CDC42BPA: variants seen among roughly 807,000 people sequenced by gnomAD.
The protein encoded by CDC42BPA is CDC42 binding protein kinase alpha.
Under a neutral mutation model 223.5 loss-of-function variants are expected in CDC42BPA, and 80 were observed. That is an observed-to-expected ratio of 0.36 (90% CI 0.30 to 0.43). The LOEUF (loss-of-function observed/expected upper bound fraction) is 0.43, where lower values mean the gene tolerates loss of function less well. Among genes scored for constraint, CDC42BPA ranks in the 20% least tolerant of loss-of-function variants. CDC42BPA has a pLI of 1.00. For missense variants in CDC42BPA, 1,743 were observed against 2,099.9 expected, an observed-to-expected ratio of 0.83 and a Z score of 3.32; for synonymous variants, 694 against 718.6, an observed-to-expected ratio of 0.97 and a Z score of 0.55.
At chr1:227,143,169 T>C (rs2149645709) in intron 8 of CDC42BPA, 145 bp from the exon 9 acceptor site, 1 of 437,880 alleles carries the variant, frequency 2.3e-6, no homozygotes, top group Middle Eastern at 3.6e-4. Context: ...GGTATAGTTG[T>C]TTAGTGATAT....
intron 5 of CDC42BPA, among the ~76,000 whole-genome samples, chr1:227,162,281 T>TA (rs1454205567): frequency 1.3e-5 from 2 of 151,960 alleles, no homozygotes; most frequent in Non-Finnish European, 2.9e-5. Flanking sequence ...TAGAAAATAC[T>TA]AAAAATTAAC....
chr1:227,097,559 G>A (rs1317938214), intron 15 of CDC42BPA, among the ~76,000 whole-genome samples: 1 of 152,058 alleles, frequency 6.6e-6, no homozygotes, highest in Non-Finnish European at 1.5e-5. Context: ...ATAATAATTG[G>A]TCACACCTGG....
At chr1:227,126,775 C>G (rs1242728830) in intron 11 of CDC42BPA, among the ~76,000 whole-genome samples, 1 of 152,080 alleles carries the variant, frequency 6.6e-6, no homozygotes, top group Non-Finnish European at 1.5e-5. Flanking sequence ...GAAAAAGAAT[C>G]TGACAAAATT....
rs116461323 is a variant in CDC42BPA at position 227,069,716 on chromosome 1, T to G, written c.2904+61A>C. 4.3e-4 allele frequency: 539 copies of G among 1,247,832 alleles called. 3 individuals are homozygous for G. The African/African-American group carries it at 7.3e-3, about 17-fold the overall frequency. 77.3% of individuals were successfully genotyped at this position (1,247,832 alleles called of 1,614,324 possible). A position where few individuals can be genotyped will look rare whatever the true frequency, so the allele number is the denominator to read the frequency against. ...AAAATGGTTTTATTATAAGTGAACTTTAAATTACAAAGTGAATTTTAAATT... is the reference window on the plus strand; with the variant it reads ...AAAATGGTTTTATTATAAGTGAACTGTAAATTACAAAGTGAATTTTAAATT... On this transcript the variant is annotated intron_variant, in intron 21 of 36. Transcript: ENST00000366766.
rs191264105 is a variant in CDC42BPA at position 227,216,806 on chromosome 1, A to C, written c.271-3587T>G. On this transcript the variant is annotated intron_variant, in intron 2 of 36. Coordinates refer to ENST00000366766, the MANE Select transcript of CDC42BPA (RefSeq NM_001394014.1). The stretch of plus-strand genomic sequence containing the variant: ...GTATGAACTGCAAGACTATAGTTTA[A>C]CACAGAACAAAGATATATTTTTAAA... 1.4e-4 allele frequency among the ~76,000 whole-genome samples: 21 copies of C among 152,344 alleles called. No individual in the cohort carries two copies. In the East Asian group the frequency reaches 3.9e-3, roughly 28 times the overall value.
intron 5 of CDC42BPA, among the ~76,000 whole-genome samples, chr1:227,189,454 T>A (rs1669360081): frequency 6.6e-6 from 1 of 152,152 alleles, no homozygotes; most frequent in Non-Finnish European, 1.5e-5. Flanking sequence ...CTAATTGCAA[T>A]GGCATATTGT....
chr1:227,059,605 G>A (rs1213580594), intron 21 of CDC42BPA, among the ~76,000 whole-genome samples: 4 of 152,152 alleles, frequency 2.6e-5, no homozygotes, highest in Non-Finnish European at 4.4e-5. Context: ...TTTGGACTAC[G>A]TCTAAGGTTG....
intron 10 of CDC42BPA, among the ~76,000 whole-genome samples, chr1:227,135,324 G>A (rs1371339258): frequency 6.6e-6 from 1 of 152,156 alleles, no homozygotes; most frequent in Non-Finnish European, 1.5e-5. Context: ...AGAAATCTCC[G>A]ATAGTACAGA....
intron 14 of CDC42BPA, among the ~76,000 whole-genome samples, chr1:227,109,376 T>A (rs1686504281): frequency 6.6e-6 from 1 of 152,014 alleles, no homozygotes; most frequent in African/African-American, 2.4e-5. Context: ...AAATGTATCT[T>A]TTTTTTTGAG....
intron 32 of CDC42BPA, 22 bp from the exon 33 acceptor site, chr1:227,017,072 C>T (rs573904280): frequency 3.7e-5 from 59 of 1,600,880 alleles, no homozygotes; most frequent in East Asian, 2.5e-4. Context: ...AAAATACAAA[C>T]GATAATGATG....
intron 1 of CDC42BPA, among the ~76,000 whole-genome samples, chr1:227,302,167 C>T (rs60975666): frequency 0.011 from 1,659 of 152,308 alleles, 24 homozygotes; most frequent in African/African-American, 0.037. Flanking sequence ...GTATCTCCTG[C>T]TTCCTATATC....
At chr1:227,275,995 CGAGAT>C (rs1236249618) in intron 1 of CDC42BPA, among the ~76,000 whole-genome samples, 2 of 151,368 alleles carry the variant, frequency 1.3e-5, no homozygotes, top group Non-Finnish European at 2.9e-5. Flanking sequence ...CCCAAAGTGC[CGAGAT>C]GGCAGCCTCT....
intron 1 of CDC42BPA, chr1:227,265,056 G>GA: frequency 1.3e-6 from 1 of 779,070 alleles, no homozygotes; most frequent in Non-Finnish European, 2.4e-6. Flanking sequence ...GACGCAGCAG[G>GA]AAAAAAATCC....
chr1:227,223,335 G>C (rs888321664), intron 2 of CDC42BPA, among the ~76,000 whole-genome samples: 1 of 152,066 alleles, frequency 6.6e-6, no homozygotes, highest in East Asian at 1.9e-4. Flanking sequence ...AGCACAACAG[G>C]GAGTAGCAAG....
At chr1:227,188,280 T>C (rs1258358782) in intron 5 of CDC42BPA, among the ~76,000 whole-genome samples, 1 of 151,266 alleles carries the variant, frequency 6.6e-6, no homozygotes, top group Non-Finnish European at 1.5e-5. Context: ...GGTACTTCAC[T>C]ACCTATGAAG....
intron 1 of CDC42BPA, among the ~76,000 whole-genome samples, chr1:227,301,387 G>A (rs1359147208): frequency 3.4e-5 from 5 of 147,966 alleles, no homozygotes; most frequent in African/African-American, 7.6e-5. Flanking sequence ...TTGAGACGAA[G>A]TCTCACTCTG....
intron 28 of CDC42BPA, 116 bp from the exon 29 acceptor site, chr1:227,030,586 C>A: frequency 1.6e-6 from 1 of 606,744 alleles, no homozygotes. Flanking sequence ...ATTACAATAA[C>A]AGTTTACACT....
chr1:227,033,359 C>T lies in CDC42BPA; in HGVS notation c.3533G>A (p.Arg1178Gln), dbSNP rs373550338. The T allele has an allele frequency of 3.0e-5, 49 of 1,612,268 alleles. No individual in the cohort carries two copies. Among genetic ancestry groups the T allele is most frequent in the Middle Eastern group, 3.3e-4 (2 of 6,076 alleles). ...VLASDVIHAS[R>Q]KDIPCIFRVT... ...CCTAAATATACAGGGTATATCTTTCCGACTTGCATGGATAACATCAGAAGC... is the reference window on the plus strand; with the variant it reads ...CCTAAATATACAGGGTATATCTTTCTGACTTGCATGGATAACATCAGAAGC... Residue 1178 changes from arginine to glutamine, a missense_variant, in exon 27 of 37, where the codon CGG becomes CAG. By Grantham distance (43) the Arg-to-Gln change is conservative. Around this residue, in one of 6 missense-constraint regions of CDC42BPA, gnomAD observed 678 missense variants for 777.5 expected, o/e 0.87. Transcript: ENST00000366766.
intron 2 of CDC42BPA, among the ~76,000 whole-genome samples, chr1:227,218,017 T>A (rs1313083900): frequency 6.6e-6 from 1 of 152,190 alleles, no homozygotes; most frequent in African/African-American, 2.4e-5. Context: ...TTTTTCCTAT[T>A]TGTTCACTAG....
Sources: allele counts gnomAD v4.1 joint callset (sites outside exome capture counted in the v4.1 genomes callset), GRCh38; gene constraint gnomAD v4.1.1; regional missense constraint gnomAD v4.1.1; transcripts MANE v1.5; gene names NCBI Gene and HGNC (gene_info 2026-07-23, HGNC 2026-07-21).